The following COL5A2 variants were observed in gnomAD, a reference collection of about 807,000 sequenced individuals.
COL5A2 encodes the protein collagen alpha-2(V) chain.
In COL5A2, 23 loss-of-function variants were observed where a neutral mutation model predicts 208.2. The ratio of observed to expected loss-of-function variants is 0.11; its 90% CI spans 0.08 to 0.16. The LOEUF is 0.16. Ranked by LOEUF, COL5A2 falls within the 10% of genes least tolerant of loss-of-function variation. COL5A2 has a pLI of 1.00. For synonymous variants in COL5A2, 625 were observed against 628.5 expected (o/e 0.99, Z 0.08); for missense variants, 1,590 against 1,956.4 (o/e 0.81, Z 3.53).
At chr2:189,187,624 TAAG>T (rs1187743074) in intron 1 of COL5A2, among the ~76,000 whole-genome samples, 1 of 152,192 alleles carries the variant, frequency 6.6e-6, no homozygotes, top group African/African-American at 2.4e-5. Flanking sequence ...TAAATAAAAA[TAAG>T]AAACTGTTAG....
intron 1 of COL5A2, among the ~76,000 whole-genome samples, chr2:189,158,643 T>C (rs558373340): frequency 6.6e-6 from 1 of 152,210 alleles, no homozygotes; most frequent in Admixed American, 6.5e-5. Flanking sequence ...TCAGTATCTT[T>C]TCTTCATCCT....
chr2:189,228,573 A>C (rs1281320632), upstream of COL5A2, among the ~76,000 whole-genome samples: 1 of 151,926 alleles, frequency 6.6e-6, no homozygotes, highest in African/African-American at 2.4e-5. Context: ...AAAAATGGAT[A>C]AATTCCTAGA....
chr2:189,127,904 G>T (rs1430885839), intron 1 of COL5A2, among the ~76,000 whole-genome samples: 1 of 151,984 alleles, frequency 6.6e-6, no homozygotes, highest in Non-Finnish European at 1.5e-5. Context: ...CACAGTGAAG[G>T]AGTGCTGCTT....
chr2:189,306,182 T>C, the COL5A2 span, among the ~76,000 whole-genome samples: 5 of 152,262 alleles, frequency 3.3e-5, no homozygotes, highest in South Asian at 2.1e-4. Context: ...AATAGAAAGA[T>C]TGAAGGGTTC....
At chr2:189,378,383 A>G in the COL5A2 span, among the ~76,000 whole-genome samples, 1 of 152,156 alleles carries the variant, frequency 6.6e-6, no homozygotes, top group South Asian at 2.1e-4. Context: ...CTGAAAAACA[A>G]GGTAAAAATG....
the COL5A2 span, among the ~76,000 whole-genome samples, chr2:189,252,674 A>G: frequency 2.0e-5 from 3 of 152,276 alleles, no homozygotes; most frequent in East Asian, 5.8e-4. Flanking sequence ...TGACGAGTTA[A>G]GGGGTGCAGC....
At chr2:189,326,322 G>C in the COL5A2 span, among the ~76,000 whole-genome samples, 3 of 152,028 alleles carry the variant, frequency 2.0e-5, no homozygotes. Context: ...TGGTGGGGAG[G>C]GAAGCAGCTT....
chr2:189,087,565 G>A (rs1228436496), intron 8 of COL5A2, among the ~76,000 whole-genome samples: 1 of 151,254 alleles, frequency 6.6e-6, no homozygotes, highest in Non-Finnish European at 1.5e-5. Context: ...CCGGGTTCAC[G>A]CCTCAGCCTC....
chr2:189,261,743 T>C, the COL5A2 span, among the ~76,000 whole-genome samples: 1 of 152,174 alleles, frequency 6.6e-6, no homozygotes, highest in African/African-American at 2.4e-5. Context: ...CATCTTTTAT[T>C]TTGGCCAGTT....
intron 44 of COL5A2, 31 bp downstream of exon 44, chr2:189,049,316 A>C: frequency 1.4e-6 from 2 of 1,447,170 alleles, no homozygotes; most frequent in Non-Finnish European, 1.9e-6. Context: ...CCAGATAACA[A>C]GAGAAGAGTT....
chr2:189,437,836 G>A, the COL5A2 span, among the ~76,000 whole-genome samples: 1 of 152,148 alleles, frequency 6.6e-6, no homozygotes. Flanking sequence ...GCTTGAAGAT[G>A]TCTCCTATGT....
At chr2:189,169,544 A>G (rs1039737921) in intron 1 of COL5A2, among the ~76,000 whole-genome samples, 12 of 152,368 alleles carry the variant, frequency 7.9e-5, no homozygotes, top group African/African-American at 2.6e-4. Flanking sequence ...AATCACTGAT[A>G]TATTACCAAA....
At chr2:189,091,150 T>C (rs990168932) in intron 7 of COL5A2, among the ~76,000 whole-genome samples, 2 of 152,184 alleles carry the variant, frequency 1.3e-5, no homozygotes, top group African/African-American at 4.8e-5. Flanking sequence ...TGAATGAATT[T>C]TAGTGGCTGA....
At chr2:189,156,657 T>C (rs1688253042) in intron 1 of COL5A2, among the ~76,000 whole-genome samples, 1 of 152,106 alleles carries the variant, frequency 6.6e-6, no homozygotes, top group Non-Finnish European at 1.5e-5. Context: ...GTATGAAAAA[T>C]TAATATTATT....
chr2:189,085,559 CAT>C (rs1686639004), intron 10 of COL5A2, among the ~76,000 whole-genome samples, 158 bp downstream of exon 10: 1 of 151,942 alleles, frequency 6.6e-6, no homozygotes, highest in Admixed American at 6.6e-5. Context: ...CTATGAGAAA[CAT>C]ATAGCTTAAG....
chr2:189,108,793 T>C (rs1687200951), intron 2 of COL5A2, among the ~76,000 whole-genome samples: 1 of 151,892 alleles, frequency 6.6e-6, no homozygotes, highest in Admixed American at 6.6e-5. Context: ...TTGTAATTCA[T>C]TATTTTCCTA....
chr2:189,332,700 G>A, the COL5A2 span, among the ~76,000 whole-genome samples: 1 of 152,146 alleles, frequency 6.6e-6, no homozygotes, highest in Non-Finnish European at 1.5e-5. Context: ...ACATGAAACT[G>A]TAAGTCCATT....
intron 3 of COL5A2, among the ~76,000 whole-genome samples, chr2:189,100,548 C>G (rs1013699770): frequency 6.6e-6 from 1 of 151,808 alleles, no homozygotes; most frequent in Admixed American, 6.6e-5. Flanking sequence ...TTAATATATA[C>G]AAATTTTCAC....
Position 189,206,372 on chromosome 2 carries a change from G to A in COL5A2, c.-42+18776C>T, listed in dbSNP as rs556183411. On this transcript the variant is annotated intron_variant, in intron 1 of 10. Transcript: ENST00000649966. The stretch of plus-strand genomic sequence containing the variant: ...GTTATGACACTCTCAGAAACCTAAG[G>A]GCCTACACTCAGCTTGAACAGAGGG... Among the ~76,000 whole-genome samples, 14 of 152,168 alleles carry A rather than the reference G, an allele frequency of 9.2e-5. No individual in the cohort carries two copies. In the East Asian group the frequency reaches 2.7e-3, roughly 29 times the overall value.
Sources: allele counts gnomAD v4.1 joint callset (sites outside exome capture counted in the v4.1 genomes callset), GRCh38; gene constraint gnomAD v4.1.1; transcripts MANE v1.5; gene names NCBI Gene and HGNC (gene_info 2026-07-23, HGNC 2026-07-21).